Variants in ZNF292 observed in about 807,000 individuals in gnomAD.
The protein encoded by ZNF292 is 16 zinc-finger domain protein.
Under a neutral mutation model 217.9 loss-of-function variants are expected in ZNF292, and 26 were observed. The ratio of observed to expected loss-of-function variants is 0.12; its 90% confidence interval spans 0.09 to 0.17. The LOEUF (loss-of-function observed/expected upper bound fraction) is 0.17. Among genes scored for constraint, ZNF292 ranks in the 10% least tolerant of loss-of-function variants. The pLI, the probability that ZNF292 is intolerant of heterozygous loss-of-function variation, is 1.00. For missense variants in ZNF292, 2,904 were observed against 3,175.2 expected (o/e 0.91, Z 2.05); for synonymous variants, 1,257 against 1,124.1 (o/e 1.12, Z -2.37).
At chr6:87,171,902 T>C (rs1026427445) in intron 1 of ZNF292, among the ~76,000 whole-genome samples, 2 of 152,214 alleles carry the variant, frequency 1.3e-5, no homozygotes, top group African/African-American at 4.8e-5. Context: ...GATATACCAC[T>C]AGCGGAACAT....
chr6:87,240,813 C>G (rs745818490), intron 5 of ZNF292, among the ~76,000 whole-genome samples: 11 of 152,122 alleles, frequency 7.2e-5, no homozygotes, highest in Non-Finnish European at 1.2e-4. Flanking sequence ...TAAACCCGAA[C>G]AAGTAAAAAT....
At chr6:87,239,317 C>T (rs1440570702) in intron 5 of ZNF292, among the ~76,000 whole-genome samples, 1 of 150,028 alleles carries the variant, frequency 6.7e-6, no homozygotes, top group African/African-American at 2.5e-5. Flanking sequence ...CGCCCCCCCA[C>T]CTCCTGGACG....
chr6:87,226,654 TATATAGATATATAG>T (rs1773362947), intron 4 of ZNF292, among the ~76,000 whole-genome samples: 1 of 98,448 alleles, frequency 1.0e-5, no homozygotes, highest in African/African-American at 6.3e-5. Context: ...TATCTATATA[TATATAGATATATAG>T]ATATATAGAT....
At chr6:87,160,163 G>C (rs1770684771) in intron 1 of ZNF292, among the ~76,000 whole-genome samples, 1 of 152,204 alleles carries the variant, frequency 6.6e-6, no homozygotes, top group Non-Finnish European at 1.5e-5. Context: ...GATAATCGTA[G>C]TAAACTATGA....
In ZNF292 at chr6:87,177,509, A is replaced by G. The variant is rs149824021; in HGVS notation, c.168+21750A>G. ...CTTGCCATAGGAAAATTTAACAAATATTTGTTTTTTCATGAAGTTACTTTT... is the reference window on the plus strand; with the variant it reads ...CTTGCCATAGGAAAATTTAACAAATGTTTGTTTTTTCATGAAGTTACTTTT... On this transcript the variant is annotated intron_variant, in intron 1 of 7. Transcript: ENST00000369577. 3.6e-4 allele frequency among the ~76,000 whole-genome samples: 55 copies of G among 152,174 alleles called. No homozygotes were observed. In the Middle Eastern group the frequency reaches 0.014, roughly 38 times the overall value.
In ZNF292 at chr6:87,256,216, G is replaced by C. The variant is rs1775203117; in HGVS notation, c.2587G>C (p.Glu863Gln). Reference protein sequence around the residue: ...QPSEVNQNTAENIEKERSMLP... With the variant: ...QPSEVNQNTAQNIEKERSMLP... ...TTCTGAAGTGAATCAGAACACAGCA[G>C]AGAATATTGAGAAAGAAAGATCTAT... The change falls in exon 8 of 8, where the codon GAG (glutamate) becomes CAG (glutamine). Residue 863 changes from glutamate (E) to glutamine (Q), a missense_variant. Around this residue, in one of 15 missense-constraint regions of ZNF292, gnomAD observed 687 missense variants for 623.0 expected, o/e 1.10. Coordinates refer to ENST00000369577, the MANE Select transcript of ZNF292 (RefSeq NM_015021.3). The C allele has an allele frequency of 6.8e-6, 11 of 1,613,850 alleles. No individual in the cohort carries two copies. The highest frequency in any genetic ancestry group is 9.3e-6 in the Non-Finnish European group (11 of 1,179,822).
At chr6:87,172,567 A>G (rs1771136225) in intron 1 of ZNF292, among the ~76,000 whole-genome samples, 1 of 152,082 alleles carries the variant, frequency 6.6e-6, no homozygotes, top group Non-Finnish European at 1.5e-5. Context: ...AGTCATGATA[A>G]AAGGAAACCT....
At chr6:87,160,645 G>A (rs1010537328) in intron 1 of ZNF292, among the ~76,000 whole-genome samples, 6 of 147,324 alleles carry the variant, frequency 4.1e-5, no homozygotes, top group East Asian at 2.0e-4. Flanking sequence ...TGTATACGGT[G>A]TGTGTGTGTG....
chr6:87,250,445 C>T (rs1441119382), intron 7 of ZNF292, among the ~76,000 whole-genome samples: 1 of 151,624 alleles, frequency 6.6e-6, no homozygotes, highest in African/African-American at 2.4e-5. Flanking sequence ...GAGACCCTGT[C>T]TCAAAAAAGA....
chr6:87,232,615 A>AGGG (rs1178892568), intron 4 of ZNF292, among the ~76,000 whole-genome samples: 1 of 152,132 alleles, frequency 6.6e-6, no homozygotes, highest in African/African-American at 2.4e-5. Context: ...AACAAGCACT[A>AGGG]GGGGATAGTC....
intron 5 of ZNF292, among the ~76,000 whole-genome samples, chr6:87,241,790 T>TA (rs1435918062): frequency 7.9e-5 from 12 of 152,240 alleles, no homozygotes; most frequent in Non-Finnish European, 1.8e-4. Flanking sequence ...AGCACATTCA[T>TA]ACAGGTGGTC....
chr6:87,204,465 A>G (rs147694226), intron 1 of ZNF292, among the ~76,000 whole-genome samples: 1 of 148,776 alleles, frequency 6.7e-6, no homozygotes, highest in East Asian at 2.0e-4. Context: ...TTTGTACTGT[A>G]TCGCCAACTT....
intron 1 of ZNF292, among the ~76,000 whole-genome samples, chr6:87,165,337 C>A (rs918027367): frequency 6.6e-6 from 1 of 152,092 alleles, no homozygotes; most frequent in Admixed American, 6.5e-5. Flanking sequence ...GTTAGAGTTA[C>A]AAGTTATTAA....
chr6:87,201,514 C>G (rs1164013072), intron 1 of ZNF292, among the ~76,000 whole-genome samples: 1 of 152,164 alleles, frequency 6.6e-6, no homozygotes, highest in Non-Finnish European at 1.5e-5. Flanking sequence ...AAGCGATTCT[C>G]CTGCCTCAGC....
intron 1 of ZNF292, among the ~76,000 whole-genome samples, chr6:87,207,132 C>T (rs996986494): frequency 1.3e-5 from 2 of 152,210 alleles, no homozygotes; most frequent in Admixed American, 1.3e-4. Flanking sequence ...ATTCTAACAG[C>T]TCAGTTCATT....
rs1478696421 is a variant in ZNF292 at position 87,255,386 on chromosome 6, C to T, written c.1757C>T (p.Pro586Leu). 1 of 1,613,698 alleles carries T rather than the reference C, an allele frequency of 6.2e-7. No homozygotes were observed. The change falls in exon 8 of 8, where the codon CCT (proline) becomes CTT (leucine). Residue 586 changes from proline (P) to leucine (L), a missense_variant. Physicochemically the swap from Pro to Leu is moderately conservative, Grantham distance 98 (BLOSUM62 -3). Coordinates refer to ENST00000369577, the MANE Select transcript of ZNF292 (RefSeq NM_015021.3). ...KNFNSKETFVPHVTLHVKQSS... is the reference protein window; with the variant it reads ...KNFNSKETFVLHVTLHVKQSS... Reference sequence around the variant, plus strand: ...TTTAATTCTAAAGAAACTTTTGTCCCTCATGTCACACTGCATGTTAAACAA... The same window carrying T: ...TTTAATTCTAAAGAAACTTTTGTCCTTCATGTCACACTGCATGTTAAACAA...
intron 1 of ZNF292, among the ~76,000 whole-genome samples, chr6:87,169,335 C>G (rs1413928905): frequency 6.6e-6 from 1 of 152,032 alleles, no homozygotes; most frequent in Non-Finnish European, 1.5e-5. Flanking sequence ...GCCACTGCGC[C>G]CAGCCTCCTT....
chr6:87,181,622 C>T (rs1023441409), intron 1 of ZNF292, among the ~76,000 whole-genome samples: 3 of 152,114 alleles, frequency 2.0e-5, no homozygotes, highest in Admixed American at 6.6e-5. Context: ...CAGTATTTTC[C>T]TGTCTTCTGT....
chr6:87,188,502 A>G (rs1306587320), intron 1 of ZNF292, among the ~76,000 whole-genome samples: 1 of 152,160 alleles, frequency 6.6e-6, no homozygotes, highest in African/African-American at 2.4e-5. Context: ...CCAGAACTAT[A>G]TAAACATTGT....
Sources: gnomAD v4.1 joint callset for allele counts (sites outside exome capture counted in the v4.1 genomes callset) on GRCh38, gnomAD v4.1.1 for gene constraint, gnomAD v4.1.1 regional missense constraint, MANE v1.5 for transcripts, NCBI Gene and HGNC (gene_info 2026-07-23, HGNC 2026-07-21) for gene names.